NOVA2: variants seen among roughly 807,000 people sequenced by gnomAD.
NOVA2 encodes the protein NOVA alternative splicing regulator 2.
Under a neutral mutation model 22.5 loss-of-function variants are expected in NOVA2, and 9 were observed. The ratio of observed to expected loss-of-function variants is 0.40; its 90% CI spans 0.24 to 0.70. NOVA2 has a LOEUF of 0.70. NOVA2 is among the 30% of genes least tolerant of loss of function. The probability of loss-of-function intolerance (pLI) is 0.38; values close to 1 mark genes in which losing one functional copy is unlikely to be tolerated. For missense variants in NOVA2, 383 were observed against 682.8 expected, an observed-to-expected ratio of 0.56 and a Z score of 4.89; for synonymous variants, 318 against 335.2, an observed-to-expected ratio of 0.95 and a Z score of 0.56.
rs1427699555 is a variant in NOVA2, at chr19:45,940,549, GA to G, written c.792del (p.Ala266ProfsTer130). Reference sequence around the variant, plus strand: ...CCTGAGAAGGCGGGCAGCGCGGCGGGAAAGGCCCCCACGCCAGCCAGCCCGG... The same window carrying G: ...CCTGAGAAGGCGGGCAGCGCGGCGGGAAGGCCCCCACGCCAGCCAGCCCGG... ...GPAGLAGVGA[F>X]PAALPAFSGT... On this transcript the variant is annotated frameshift_variant, in exon 4 of 4. Transcript: ENST00000263257. LOFTEE classifies it low-confidence loss of function (END_TRUNC). 1 of 1,483,926 alleles carries G rather than the reference GA, an allele frequency of 6.7e-7. No individual in the cohort carries two copies. The highest frequency in any genetic ancestry group is 2.2e-5 in the Admixed American group (1 of 45,316). The allele number at this position is 1,483,926 out of a possible 1,614,324, so 91.9% of individuals were successfully genotyped here. A position where few individuals can be genotyped will look rare whatever the true frequency, so the allele number is the denominator to read the frequency against.
intron 1 of NOVA2, among the ~76,000 whole-genome samples, chr19:45,965,036 G>A (rs996824761): frequency 5.9e-5 from 9 of 152,026 alleles, no homozygotes; most frequent in Admixed American, 5.9e-4. Flanking sequence ...AAGCCTATTA[G>A]GTAATTAACC....
rs779948553 is a variant in NOVA2, at chr19:45,940,216, C to T, written c.1126G>A (p.Gly376Arg). Residue 376 changes from glycine (G) to arginine (R), a missense_variant, in exon 4 of 4, where the codon GGA (glycine) becomes AGA (arginine). Physicochemically the swap from Gly to Arg is moderately radical, Grantham distance 125. Coordinates refer to ENST00000263257, the MANE Select transcript of NOVA2 (RefSeq NM_002516.4). Reference protein sequence around the residue: ...LGAGAGGGAGGGGGPLVAAAA... With the variant: ...LGAGAGGGAGRGGGPLVAAAA... ...GCGGCCACCAGCGGGCCGCCCCCTC[C>T]GCCCGCCCCGCCGCCCGCCCCGGCC... 3 of 1,128,730 alleles carry T rather than the reference C, an allele frequency of 2.7e-6. No homozygotes were observed. Among genetic ancestry groups the T allele is most frequent in the South Asian group, 8.4e-5 (2 of 23,790 alleles). 69.9% of individuals were successfully genotyped at this position (1,128,730 alleles called of 1,614,324 possible).
intron 1 of NOVA2, among the ~76,000 whole-genome samples, chr19:45,965,697 T>C (rs1968159004): frequency 6.6e-6 from 1 of 151,446 alleles, no homozygotes; most frequent in Non-Finnish European, 1.5e-5. Context: ...GTCACTGCAC[T>C]CCAGCCTGGG....
At chr19:45,948,822 A>T (rs1430773089) in intron 3 of NOVA2, among the ~76,000 whole-genome samples, 1 of 152,174 alleles carries the variant, frequency 6.6e-6, no homozygotes, top group African/African-American at 2.4e-5. Flanking sequence ...ATCTACAAAA[A>T]GACTTGTACA....
rs146270704 is a variant in NOVA2, at chr19:45,959,821, GGA to G, written c.229+1187_229+1188del. On this transcript the variant is annotated intron_variant, in intron 2 of 3. Coordinates refer to ENST00000263257, the MANE Select transcript of NOVA2 (RefSeq NM_002516.4). ...TGGGGAGAGAGAGAGAGACAGAGAG[GGA>G]GAGAGAGAGAGAGAGAGAGAAAGAG... Among the ~76,000 whole-genome samples, 383 of 136,642 alleles carry G rather than the reference GGA, an allele frequency of 2.8e-3. 1 individual carries two copies. The highest frequency in any genetic ancestry group is 7.9e-3 in the African/African-American group (299 of 37,934). 89.6% of individuals were successfully genotyped at this position (136,642 alleles called of 152,430 possible).
At chr19:45,969,138 G>A (rs886110583) in intron 1 of NOVA2, among the ~76,000 whole-genome samples, 3 of 152,096 alleles carry the variant, frequency 2.0e-5, no homozygotes, top group South Asian at 4.2e-4. Flanking sequence ...CAGCCCGGGC[G>A]ATACAGCGAG....
chr19:45,949,421 C>T (rs1270601826), intron 3 of NOVA2, among the ~76,000 whole-genome samples: 1 of 151,500 alleles, frequency 6.6e-6, no homozygotes, highest in Admixed American at 6.6e-5. Context: ...GGTATTTAGT[C>T]TGTGATGCAG....
chr19:45,958,852 G>C lies in NOVA2; in HGVS notation c.229+2158C>G, dbSNP rs538270846. Among the ~76,000 whole-genome samples, 4 of 152,270 alleles carry C rather than the reference G, an allele frequency of 2.6e-5. No homozygotes were observed. In the East Asian group the frequency reaches 7.7e-4, roughly 29 times the overall value. On this transcript the variant is annotated intron_variant, in intron 2 of 3. Coordinates refer to ENST00000263257, the MANE Select transcript of NOVA2 (RefSeq NM_002516.4). ...TTTACCTCGCTCATCCTTCCCTACT[G>C]CTCTGGTCGTCTCTTCCAGGAAGCT... is the stretch of plus-strand genomic sequence containing the variant.
chr19:45,956,515 G>A (rs1006249667), intron 2 of NOVA2, among the ~76,000 whole-genome samples: 15 of 152,100 alleles, frequency 9.9e-5, no homozygotes, highest in African/African-American at 3.6e-4. Flanking sequence ...CTGTCGCCCA[G>A]GCTGGAGTGC....
intron 2 of NOVA2, among the ~76,000 whole-genome samples, chr19:45,958,589 G>A (rs1250875768): frequency 1.3e-5 from 2 of 151,350 alleles, no homozygotes; most frequent in African/African-American, 2.4e-5. Flanking sequence ...GTGAATGAGT[G>A]TGTGTGAGCA....
chr19:45,935,993 G>A lies in NOVA2; in HGVS notation c.*3870C>T, dbSNP rs1486520297. The A allele has an allele frequency of 6.6e-6, 1 of 152,188 alleles. No individual in the cohort carries two copies. The highest frequency in any genetic ancestry group is 2.4e-5 in the African/African-American group (1 of 41,424). 9.4% of individuals were successfully genotyped at this position (152,188 alleles called of 1,614,324 possible). On this transcript the variant is annotated 3_prime_UTR_variant, in exon 4 of 4. Coordinates refer to ENST00000263257, the MANE Select transcript of NOVA2 (RefSeq NM_002516.4). ...GGTAGGCGTTAGGGCAGATAGAAAC[G>A]GCAAAATCATTGTCTTCTGATCACC...
intron 1 of NOVA2, among the ~76,000 whole-genome samples, chr19:45,967,035 T>C (rs34804427): frequency 0.022 from 3,318 of 152,212 alleles, 67 homozygotes; most frequent in South Asian, 0.098. Context: ...AATCATCTTG[T>C]GGGTGGCTTG....
intron 2 of NOVA2, among the ~76,000 whole-genome samples, chr19:45,959,631 T>C (rs1441461097): frequency 3.3e-5 from 5 of 151,626 alleles, no homozygotes; most frequent in African/African-American, 4.9e-5. Context: ...TTCACTCGAT[T>C]TTTCTCTAAA....
chr19:45,964,179 C>CTTTTTTTTTTTTTTTTTTTTTTTTTTT (rs10555207), intron 1 of NOVA2, among the ~76,000 whole-genome samples: 1 of 106,954 alleles, frequency 9.3e-6, no homozygotes, highest in Non-Finnish European at 2.0e-5. Flanking sequence ...TTTTCTTTTT[C>CTTTTTTTTTTTTTTTTTTTTTTTTTTT]TTTTTTTTTT....
At position 45,965,593 on chromosome 19, in the gene NOVA2, A is replaced by G. The variant is rs117464524; in HGVS notation, c.86-4440T>C. The stretch of plus-strand genomic sequence containing the variant: ...AAAACTACAAAAATTAGTCAGGCCT[A>G]GTGGCACATTCCTGTACTCCCAGCT... On this transcript the variant is annotated intron_variant, in intron 1 of 3. Transcript: ENST00000263257. 9.3e-3 allele frequency among the ~76,000 whole-genome samples: 1,420 copies of G among 152,254 alleles called. 15 individuals carry two copies. Among genetic ancestry groups the G allele is most frequent in the Non-Finnish European group, 0.014 (921 of 68,008 alleles).
At chr19:45,964,595 C>G (rs1425716516) in intron 1 of NOVA2, among the ~76,000 whole-genome samples, 1 of 133,016 alleles carries the variant, frequency 7.5e-6, no homozygotes, top group Admixed American at 7.7e-5. Context: ...TTCTCTTTCT[C>G]TGTTGCCCAG....
chr19:45,963,236 G>A (rs905870260), intron 1 of NOVA2, among the ~76,000 whole-genome samples: 3 of 151,890 alleles, frequency 2.0e-5, no homozygotes, highest in Non-Finnish European at 4.4e-5. Flanking sequence ...AAAATTCGCC[G>A]GGTGTGGTGG....
intron 1 of NOVA2, among the ~76,000 whole-genome samples, chr19:45,966,548 A>T (rs1488514536): frequency 6.6e-6 from 1 of 152,052 alleles, no homozygotes; most frequent in East Asian, 1.9e-4. Context: ...GATTACAGGC[A>T]TGAGCCACCG....
chr19:45,969,227 G>C (rs1030510387), intron 1 of NOVA2, among the ~76,000 whole-genome samples: 3 of 151,956 alleles, frequency 2.0e-5, no homozygotes, highest in African/African-American at 7.3e-5. Flanking sequence ...GGATGTGGCT[G>C]GGAATGGTGG....
Sources: gnomAD v4.1 joint callset for allele counts (sites outside exome capture counted in the v4.1 genomes callset) on GRCh38, gnomAD v4.1.1 for gene constraint, MANE v1.5 for transcripts, NCBI Gene and HGNC (gene_info 2026-07-23, HGNC 2026-07-21) for gene names.